SPAG16: variants seen among roughly 807,000 people sequenced by gnomAD.
SPAG16 encodes the protein sperm-associated antigen 16 protein.
SPAG16 carries 86 observed loss-of-function variants against 80.4 expected under a neutral mutation model. The ratio of observed to expected loss-of-function variants is 1.07; its 90% CI spans 0.90 to 1.28. SPAG16 has a LOEUF of 1.28. SPAG16 is among the 50% of genes most tolerant of loss of function. The pLI, the probability that SPAG16 is intolerant of heterozygous loss-of-function variation, is 0.00. For synonymous variants in SPAG16, 294 were observed against 265.9 expected, an observed-to-expected ratio of 1.11 and a Z score of -1.03; for missense variants, 870 against 765.3, an observed-to-expected ratio of 1.14 and a Z score of -1.61.
chr2:213,818,229 T>C (rs2072687121), intron 10 of SPAG16, among the ~76,000 whole-genome samples: 1 of 152,198 alleles, frequency 6.6e-6, no homozygotes. Context: ...AGTAGATCTT[T>C]CATCAGTTCT....
At chr2:214,319,200 C>CACCACA (rs140486125) in intron 15 of SPAG16, among the ~76,000 whole-genome samples, 8 of 142,340 alleles carry the variant, frequency 5.6e-5, no homozygotes, top group African/African-American at 1.8e-4. Context: ...CACACACACA[C>CACCACA]CACACACACA....
intron 4 of SPAG16, among the ~76,000 whole-genome samples, chr2:213,312,328 C>G (rs1425452414): frequency 6.6e-6 from 1 of 151,326 alleles, no homozygotes; most frequent in African/African-American, 2.4e-5. Context: ...TCTCAATGGG[C>G]AATGGTAATT....
intron 12 of SPAG16, among the ~76,000 whole-genome samples, chr2:213,971,230 C>A (rs1434831682): frequency 1.3e-5 from 2 of 152,086 alleles, no homozygotes; most frequent in Non-Finnish European, 2.9e-5. Context: ...CATTCTAAAT[C>A]CAAGTACATT....
intron 13 of SPAG16, among the ~76,000 whole-genome samples, chr2:214,034,801 G>A (rs963478529): frequency 6.6e-6 from 1 of 152,170 alleles, no homozygotes; most frequent in African/African-American, 2.4e-5. Flanking sequence ...CTAGGTCTGG[G>A]CTCCCCTAAG....
intron 10 of SPAG16, among the ~76,000 whole-genome samples, chr2:213,645,371 G>A (rs914422001): frequency 2.6e-5 from 4 of 152,056 alleles, no homozygotes; most frequent in African/African-American, 9.7e-5. Flanking sequence ...GGTACCTGAG[G>A]CCAGCAAGTC....
chr2:214,197,800 G>A (rs2057888198), intron 15 of SPAG16, among the ~76,000 whole-genome samples: 1 of 151,702 alleles, frequency 6.6e-6, no homozygotes, highest in South Asian at 2.1e-4. Context: ...TTTTTTATAT[G>A]TGTTTTTCCA....
intron 10 of SPAG16, among the ~76,000 whole-genome samples, chr2:213,815,978 T>A (rs1431339776): frequency 2.0e-5 from 3 of 152,134 alleles, no homozygotes; most frequent in African/African-American, 7.2e-5. Context: ...TCATTAAATA[T>A]TCTATTGAAG....
intron 9 of SPAG16, among the ~76,000 whole-genome samples, chr2:213,388,979 GAACA>G (rs1186432501): frequency 1.3e-5 from 2 of 152,078 alleles, no homozygotes; most frequent in African/African-American, 4.8e-5. Flanking sequence ...TGCAAAAGAA[GAACA>G]AACTTGGAAG....
chr2:213,932,949 A>AACACACACACACACACACACACAC (rs3076792), intron 12 of SPAG16, among the ~76,000 whole-genome samples: 1 of 143,944 alleles, frequency 6.9e-6, no homozygotes, highest in African/African-American at 2.6e-5. Context: ...GTTGTTTGAA[A>AACACACACACACACACACACACAC]ACACACACAC....
chr2:214,008,991 A>C (rs1026814808), intron 12 of SPAG16, among the ~76,000 whole-genome samples: 1 of 152,152 alleles, frequency 6.6e-6, no homozygotes, highest in Non-Finnish European at 1.5e-5. Flanking sequence ...TCCAAGTGAG[A>C]GTCTGAGATA....
intron 10 of SPAG16, among the ~76,000 whole-genome samples, chr2:213,517,671 A>G (rs2075486241): frequency 6.6e-6 from 1 of 152,282 alleles, no homozygotes; most frequent in African/African-American, 2.4e-5. Context: ...CACACATCTG[A>G]TCTTTGGCAA....
chr2:213,558,783 G>C (rs984490532), intron 10 of SPAG16, among the ~76,000 whole-genome samples: 1 of 152,010 alleles, frequency 6.6e-6, no homozygotes, highest in Non-Finnish European at 1.5e-5. Context: ...ACCCACAAAA[G>C]TGGAATGGTA....
intron 12 of SPAG16, among the ~76,000 whole-genome samples, chr2:213,932,171 TATATATATATATATATATA>T (rs755481972): frequency 0.4 from 31,714 of 78,984 alleles, 4,545 homozygotes; most frequent in South Asian, 0.57. Context: ...TATATATATA[TATATATATATATATATATA>T]TATATATATT....
intron 11 of SPAG16, among the ~76,000 whole-genome samples, chr2:213,888,837 A>ACATTTCTTCC (rs764047930): frequency 1.1e-4 from 17 of 151,894 alleles, no homozygotes; most frequent in Non-Finnish European, 2.2e-4. Context: ...TTGGAGGAAA[A>ACATTTCTTCC]CATTTCTTCC....
intron 10 of SPAG16, among the ~76,000 whole-genome samples, chr2:213,844,695 A>T (rs1480839539): frequency 1.3e-5 from 2 of 152,166 alleles, no homozygotes; most frequent in Non-Finnish European, 2.9e-5. Context: ...AGGAGCATAA[A>T]TTTTTTTAAA....
chr2:213,547,862 T>G (rs1016071666), intron 10 of SPAG16, among the ~76,000 whole-genome samples: 5 of 152,364 alleles, frequency 3.3e-5, no homozygotes, highest in African/African-American at 9.6e-5. Flanking sequence ...CTTTGAACAT[T>G]GTTTTTATCA....
intron 9 of SPAG16, among the ~76,000 whole-genome samples, chr2:213,465,787 C>T (rs1204863012): frequency 2.0e-5 from 3 of 152,172 alleles, no homozygotes; most frequent in Non-Finnish European, 4.4e-5. Context: ...AAGTTCCTTG[C>T]TCAAGTAGCC....
chr2:213,421,271 G>A (rs2125437713), intron 9 of SPAG16, among the ~76,000 whole-genome samples: 1 of 152,168 alleles, frequency 6.6e-6, no homozygotes. Context: ...GAGCCCAGGT[G>A]CTGTTGCAAC....
intron 10 of SPAG16, among the ~76,000 whole-genome samples, chr2:213,551,099 C>A (rs2076766276): frequency 6.6e-6 from 1 of 152,108 alleles, no homozygotes; most frequent in African/African-American, 2.4e-5. Flanking sequence ...TTTTTCTTTG[C>A]TTATTCCTTC....
Sources: allele counts gnomAD v4.1 joint callset (sites outside exome capture counted in the v4.1 genomes callset), GRCh38; gene constraint gnomAD v4.1.1; transcripts MANE v1.5; gene names NCBI Gene and HGNC (gene_info 2026-07-23, HGNC 2026-07-21).